TRIM46: variants seen among roughly 807,000 people sequenced by gnomAD.
TRIM46 encodes tripartite motif-containing protein 46.
In TRIM46, 17 loss-of-function variants were observed where a neutral mutation model predicts 69.7. The ratio of observed to expected loss-of-function variants is 0.24; its 90% CI spans 0.17 to 0.37. The LOEUF (loss-of-function observed/expected upper bound fraction) is 0.37, where lower values mean the gene tolerates loss of function less well. Among genes scored for constraint, TRIM46 ranks in the 10% least tolerant of loss-of-function variants. The probability of loss-of-function intolerance (pLI) is 1.00; values close to 1 mark genes in which losing one functional copy is unlikely to be tolerated. For missense variants in TRIM46, 675 were observed against 1,025.1 expected (o/e 0.66, Z 4.66); for synonymous variants, 391 against 429.0 (o/e 0.91, Z 1.09).
rs1666140346 is a variant in TRIM46 at position 155,181,082 on chromosome 1, T to C, written c.1589-770T>C. Reference sequence around the variant, plus strand: ...ACCCCGTCTCTACTAAAAATGAAAATGAAAATAATTAGCTGGGTGTGGTTG... The same window carrying C: ...ACCCCGTCTCTACTAAAAATGAAAACGAAAATAATTAGCTGGGTGTGGTTG... On this transcript the variant is annotated intron_variant, in intron 8 of 9. Transcript: ENST00000334634. This position sits in a 1 kb window ranked among gnomAD's most constrained non-coding sequence, Gnocchi z 4.3. Among the ~76,000 whole-genome samples, 1 of 146,848 alleles carries C rather than the reference T, an allele frequency of 6.8e-6. No homozygotes were observed. Among genetic ancestry groups the C allele is most frequent in the Non-Finnish European group, 1.5e-5 (1 of 66,720 alleles).
In TRIM46 at chr1:155,175,544, C is replaced by A; in HGVS notation, c.222C>A (p.Ser74Arg). 2 of 1,613,932 alleles carry A rather than the reference C, an allele frequency of 1.2e-6. No homozygotes were observed. The highest frequency in any genetic ancestry group is 1.7e-6 in the Non-Finnish European group (2 of 1,179,910). Residue 74 changes from serine to arginine, a missense_variant, in exon 2 of 10, where the codon AGC becomes AGA. Coordinates refer to ENST00000334634, the MANE Select transcript of TRIM46 (RefSeq NM_025058.5). This position sits in a 1 kb window ranked among gnomAD's most constrained non-coding sequence, Gnocchi z 4.2. The part of the protein sequence containing the change: ...QGYIGHGGDP[S>R]SEPTSPASTP... ...ACATAGGACATGGTGGGGACCCCAG[C>A]TCCGAGCCCACCTCTCCTGCCTCCA...
chr1:155,174,064 G>A (rs917264791), intron 1 of TRIM46, 35 bp downstream of exon 1: 1 of 1,551,406 alleles, frequency 6.4e-7, no homozygotes, highest in Non-Finnish European at 8.7e-7. Flanking sequence ...AGGGGAGGGG[G>A]CGTATAGGGT....
chr1:155,176,120 C>T lies in TRIM46; in HGVS notation c.558C>T (p.Cys186=), dbSNP rs775010843. 5 of 1,614,142 alleles carry T rather than the reference C, an allele frequency of 3.1e-6. No homozygotes were observed. The South Asian group carries it at 3.3e-5, about 11-fold the overall frequency. Reference sequence around the variant, plus strand: ...CACCACTAGAGGCCACCAAGGGCTGCACAGAGTGCCGCGCCACCTTCTGCA... The same window carrying T: ...CACCACTAGAGGCCACCAAGGGCTGTACAGAGTGCCGCGCCACCTTCTGCA... ...KPPPLEATKG[C]TECRATFCNE... is the part of the protein sequence containing the mutation. Residue 186 remains cysteine (C), a synonymous_variant, in exon 3 of 10, where the codon TGC becomes TGT. Transcript: ENST00000334634.
At position 155,175,784 on chromosome 1, in the gene TRIM46, G is replaced by T; in HGVS notation, c.326-104G>T. The T allele has an allele frequency of 6.4e-7, 1 of 1,572,940 alleles. No individual in the cohort carries two copies. Among genetic ancestry groups the T allele is most frequent in the Non-Finnish European group, 8.7e-7 (1 of 1,153,664 alleles). The stretch of plus-strand genomic sequence containing the variant: ...ATACTGCTTACGCAGGCTCTAATGA[G>T]AGCTGAGCTCTGGCACAATGAAAAT... On this transcript the variant is annotated intron_variant, in intron 2 of 9. Coordinates refer to ENST00000334634, the MANE Select transcript of TRIM46 (RefSeq NM_025058.5). The surrounding 1 kb of genome is among the most constrained non-coding windows in gnomAD (Gnocchi z 4.2).
At position 155,175,487 on chromosome 1, in the gene TRIM46, C is replaced by A. The variant is rs1353773134; in HGVS notation, c.165C>A (p.Ala55=). 11 of 1,614,174 alleles carry A rather than the reference C, an allele frequency of 6.8e-6. No individual in the cohort carries two copies. Among genetic ancestry groups the A allele is most frequent in the Non-Finnish European group, 9.3e-6 (11 of 1,180,006 alleles). Residue 55 remains alanine, a synonymous_variant, in exon 2 of 10, where the codon GCC becomes GCA. Transcript: ENST00000334634. This position sits in a 1 kb window ranked among gnomAD's most constrained non-coding sequence, Gnocchi z 4.2. ...CCTGTACCCACAACGTGTGCCAGGC[C>A]TGTGCCCGAGAGGTCTTGGGCCAGC... is the stretch of plus-strand genomic sequence containing the variant. ...VLPCTHNVCQ[A]CAREVLGQQG... is the part of the protein sequence containing the mutation.
Position 155,184,297 on chromosome 1 carries a change from AC to A in TRIM46, c.*109del. On this transcript the variant is annotated 3_prime_UTR_variant, in exon 10 of 10. Transcript: ENST00000334634. The surrounding 1 kb of genome is among the most constrained non-coding windows in gnomAD (Gnocchi z 5.6). ...GGCAGCTTCTCCCCCAAACTCTCCT[AC>A]CATGTGGCCCTGCTCCTTCTCCCGT... is the stretch of plus-strand genomic sequence containing the variant. 8.2e-7 allele frequency: 1 copy of A among 1,222,324 alleles called. No homozygotes were observed. Among genetic ancestry groups the A allele is most frequent in the South Asian group, 1.6e-5 (1 of 62,716 alleles). The allele number at this position is 1,222,324 out of a possible 1,614,324, so 75.7% of individuals were successfully genotyped here.
Position 155,179,886 on chromosome 1 carries a change from T to A in TRIM46, c.1540T>A (p.Tyr514Asn). The change falls in exon 8 of 10, where the codon TAC becomes AAC. Residue 514 changes from tyrosine (Y) to asparagine (N), a missense_variant. Tyr to Asn is a moderately radical substitution (Grantham distance 143). This residue lies in a region of TRIM46 where 361 missense variants were observed against 498.3 expected (regional missense o/e 0.72). Transcript: ENST00000334634. The stretch of plus-strand genomic sequence containing the variant: ...TGTCCGCGGCTGCAACAAGGCCGGC[T>A]ACGGCGAATACAGTGAAGATGTGCA... ...LRVRGCNKAGYGEYSEDVHLH... is the reference protein window; with the variant it reads ...LRVRGCNKAGNGEYSEDVHLH... 1 of 1,607,456 alleles carries A rather than the reference T, an allele frequency of 6.2e-7. No homozygotes were observed. The highest frequency in any genetic ancestry group is 8.5e-7 in the Non-Finnish European group (1 of 1,175,300).
Position 155,182,152 on chromosome 1 carries a change from C to G in TRIM46, c.1886+3C>G, listed in dbSNP as rs371359585. 47 of 1,613,216 alleles carry G rather than the reference C, an allele frequency of 2.9e-5. No homozygotes were observed. Among genetic ancestry groups the G allele is most frequent in the Non-Finnish European group, 3.9e-5 (46 of 1,179,572 alleles). ...GCCCCCGATGTGATCAGCCCCAGGT[C>G]AGACCCCTCTGGAAGGGATGGGGTG... On this transcript the variant is annotated splice_donor_region_variant and intron_variant, in intron 9 of 9. Coordinates refer to ENST00000334634, the MANE Select transcript of TRIM46 (RefSeq NM_025058.5).
rs774025743 is a variant in TRIM46 at position 155,183,890 on chromosome 1, G to A, written c.1980G>A (p.Lys660=). The change falls in exon 10 of 10, where the codon AAG becomes AAA. Residue 660 remains lysine, a synonymous_variant. Transcript: ENST00000334634. ...PFAFLTIGMG[K]ILLGSGASSN... is the part of the protein sequence containing the mutation. ...CTTTCCTAACCATTGGCATGGGCAAGATCCTGCTGGGGTCGGGGGCAAGCT... is the reference window on the plus strand; with the variant it reads ...CTTTCCTAACCATTGGCATGGGCAAAATCCTGCTGGGGTCGGGGGCAAGCT... The A allele has an allele frequency of 4.3e-6, 7 of 1,613,500 alleles. No homozygotes were observed. Among genetic ancestry groups the A allele is most frequent in the Non-Finnish European group, 5.9e-6 (7 of 1,180,046 alleles).
Position 155,182,205 on chromosome 1 carries a change from C to T in TRIM46, c.1886+56C>T, listed in dbSNP as rs1425301193. The T allele has an allele frequency of 5.3e-6, 8 of 1,503,200 alleles. No homozygotes were observed. The South Asian group carries it at 9.5e-5, about 18-fold the overall frequency. 93.1% of individuals were successfully genotyped at this position (1,503,200 alleles called of 1,614,324 possible). On this transcript the variant is annotated intron_variant, in intron 9 of 9. Coordinates refer to ENST00000334634, the MANE Select transcript of TRIM46 (RefSeq NM_025058.5). Reference sequence around the variant, plus strand: ...GGGGTCCTGGTGGGAGTGAGGGGCACAGAAGGGGTGGCAAGTGGAGCACAG... The same window carrying T: ...GGGGTCCTGGTGGGAGTGAGGGGCATAGAAGGGGTGGCAAGTGGAGCACAG...
intron 9 of TRIM46, among the ~76,000 whole-genome samples, chr1:155,183,399 T>G (rs1403030852): frequency 1.3e-5 from 2 of 151,392 alleles, no homozygotes; most frequent in Non-Finnish European, 2.9e-5. Context: ...CCCTCATCTC[T>G]CTCCCGACAC....
At chr1:155,180,423 C>T (rs987440660) in intron 8 of TRIM46, 2 of 383,942 alleles carry the variant, frequency 5.2e-6, no homozygotes, top group Non-Finnish European at 4.7e-6. Context: ...GGTGAAACCC[C>T]GTCTCTACTA....
rs376114035 is a variant in TRIM46, at chr1:155,182,188, G to C, written c.1886+39G>C. On this transcript the variant is annotated intron_variant, in intron 9 of 9. Coordinates refer to ENST00000334634, the MANE Select transcript of TRIM46 (RefSeq NM_025058.5). The stretch of plus-strand genomic sequence containing the variant: ...GGAAGGGATGGGGTGTGGGGGTCCT[G>C]GTGGGAGTGAGGGGCACAGAAGGGG... The C allele has an allele frequency of 2.4e-5, 38 of 1,597,744 alleles. 1 individual carries two copies. In the African/African-American group the frequency reaches 3.6e-4, roughly 15 times the overall value.
intron 9 of TRIM46, 61 bp downstream of exon 9, chr1:155,182,210 G>A (rs1191680070): frequency 1.3e-6 from 2 of 1,548,358 alleles, no homozygotes; most frequent in African/African-American, 2.7e-5. Flanking sequence ...GGGCACAGAA[G>A]GGGTGGCAAG....
In TRIM46 at chr1:155,178,103, A is replaced by G. The variant is rs780064151; in HGVS notation, c.1011A>G (p.Glu337=). Residue 337 remains glutamate, a synonymous_variant, in exon 6 of 10, where the codon GAA becomes GAG. Coordinates refer to ENST00000334634, the MANE Select transcript of TRIM46 (RefSeq NM_025058.5). ...CATCACTGCTTCAGGCCATTGAAGA[A>G]TGCCAGCAGGAGCGGCTGGCCCGTC... ...KRASLLQAIE[E]CQQERLARLS... is the part of the protein sequence containing the mutation. 1.2e-6 allele frequency: 2 copies of G among 1,614,176 alleles called. No individual in the cohort carries two copies. The highest frequency in any genetic ancestry group is 1.7e-6 in the Non-Finnish European group (2 of 1,180,014).
chr1:155,175,292 C>T lies in TRIM46; in HGVS notation c.64-94C>T, dbSNP rs1665551394. ...CTGCAGGTAGCTTGTCTTGCTCCTTCCTCAGACCCCTAGGGTATCCAAGGG... is the reference window on the plus strand; with the variant it reads ...CTGCAGGTAGCTTGTCTTGCTCCTTTCTCAGACCCCTAGGGTATCCAAGGG... On this transcript the variant is annotated intron_variant, in intron 1 of 9. Coordinates refer to ENST00000334634, the MANE Select transcript of TRIM46 (RefSeq NM_025058.5). This position sits in a 1 kb window ranked among gnomAD's most constrained non-coding sequence, Gnocchi z 4.2. 4 of 1,571,794 alleles carry T rather than the reference C, an allele frequency of 2.5e-6. No individual in the cohort carries two copies. Among genetic ancestry groups the T allele is most frequent in the Non-Finnish European group, 3.4e-6 (4 of 1,166,310 alleles).
chr1:155,182,333 G>A (rs1666231029), intron 9 of TRIM46, 184 bp downstream of exon 9: 3 of 649,262 alleles, frequency 4.6e-6, no homozygotes, highest in Non-Finnish European at 7.8e-6. Flanking sequence ...TCAGCAAAAG[G>A]GCTTTTGAGG....
At chr1:155,178,904 C>T (rs1665918600) in intron 7 of TRIM46, 12 of 1,272,916 alleles carry the variant, frequency 9.4e-6, no homozygotes, top group South Asian at 7.6e-5. Context: ...CTTCCCACCC[C>T]GCTGCTCCCA....
Position 155,175,311 on chromosome 1 carries a change from C to A in TRIM46, c.64-75C>A. On this transcript the variant is annotated intron_variant, in intron 1 of 9. Coordinates refer to ENST00000334634, the MANE Select transcript of TRIM46 (RefSeq NM_025058.5). This position sits in a 1 kb window ranked among gnomAD's most constrained non-coding sequence, Gnocchi z 4.2. ...CTCCTTCCTCAGACCCCTAGGGTAT[C>A]CAAGGGCAGCCAAGGGGCTGCTGAG... is the stretch of plus-strand genomic sequence containing the variant. 4 of 1,592,932 alleles carry A rather than the reference C, an allele frequency of 2.5e-6. No homozygotes were observed. The South Asian group carries it at 4.5e-5, about 18-fold the overall frequency.
Sources: allele counts gnomAD v4.1 joint callset (sites outside exome capture counted in the v4.1 genomes callset), GRCh38; gene constraint gnomAD v4.1.1; regional missense constraint gnomAD v4.1.1; non-coding constraint Gnocchi (gnomAD v3.1); transcripts MANE v1.5; gene names NCBI Gene and HGNC (gene_info 2026-07-23, HGNC 2026-07-21).